PTK7: variants seen among roughly 807,000 people sequenced by gnomAD.
PTK7 encodes protein tyrosine kinase 7 (inactive), also known as inactive tyrosine-protein kinase 7.
In PTK7, 39 loss-of-function variants were observed where a neutral mutation model predicts 116.6. That is an observed-to-expected ratio of 0.33 (90% confidence interval 0.26 to 0.44). The LOEUF is 0.44. Among genes scored for constraint, PTK7 ranks in the 20% least tolerant of loss-of-function variants. The probability of loss-of-function intolerance (pLI) is 1.00; values close to 1 mark genes in which losing one functional copy is unlikely to be tolerated. For synonymous variants in PTK7, 546 were observed against 563.6 expected (o/e 0.97, Z 0.44); for missense variants, 1,169 against 1,425.6 (o/e 0.82, Z 2.90).
chr6:43,131,405 G>T (rs888443512), intron 5 of PTK7, among the ~76,000 whole-genome samples: 1 of 152,136 alleles, frequency 6.6e-6, no homozygotes, highest in African/African-American at 2.4e-5. Context: ...TAATGCTGCT[G>T]ATAAAGACAT....
At chr6:43,097,546 CAA>C (rs1767330519) in intron 1 of PTK7, among the ~76,000 whole-genome samples, 1 of 152,018 alleles carries the variant, frequency 6.6e-6, no homozygotes, top group Non-Finnish European at 1.5e-5. Flanking sequence ...GGTCTATGAC[CAA>C]AAAAGTTTCT....
chr6:43,094,544 A>G (rs1211000885), intron 1 of PTK7, among the ~76,000 whole-genome samples: 1 of 150,804 alleles, frequency 6.6e-6, no homozygotes, highest in Non-Finnish European at 1.5e-5. Context: ...GGCTCACTGC[A>G]AGCTCCGCCT....
chr6:43,106,926 A>AT (rs36100312), intron 1 of PTK7, among the ~76,000 whole-genome samples: 111 of 115,034 alleles, frequency 9.6e-4, no homozygotes, highest in East Asian at 1.0e-3. Context: ...TCTTCCCTGA[A>AT]TTTTTTTTTT....
intron 1 of PTK7, among the ~76,000 whole-genome samples, chr6:43,126,087 A>G (rs1009220698): frequency 3.3e-5 from 5 of 152,140 alleles, no homozygotes; most frequent in African/African-American, 1.2e-4. Context: ...TAGGAGGCCG[A>G]GGTGGGTGGA....
rs759247116 is a variant in PTK7 at position 43,144,622 on chromosome 6, T to C, written c.2407+16T>C. ...ACCACGCTGGGTATGTTGCCTTGACTACAGCTGCCCCTGCCTAACTACAAG... is the reference window on the plus strand; with the variant it reads ...ACCACGCTGGGTATGTTGCCTTGACCACAGCTGCCCCTGCCTAACTACAAG... On this transcript the variant is annotated intron_variant, in intron 15 of 19. Coordinates refer to ENST00000230419, the MANE Select transcript of PTK7 (RefSeq NM_002821.5). The C allele has an allele frequency of 6.9e-6, 11 of 1,597,340 alleles. No individual in the cohort carries two copies. The Admixed American group carries it at 1.5e-4, about 22-fold the overall frequency.
chr6:43,132,872 G>A, intron 7 of PTK7, 185 bp downstream of exon 7: 1 of 814,146 alleles, frequency 1.2e-6, no homozygotes, highest in South Asian at 1.5e-5. Context: ...GGTTAGGGTG[G>A]GTGCTCCAGA....
chr6:43,156,191 T>C (rs1771413944), intron 17 of PTK7, among the ~76,000 whole-genome samples: 1 of 127,282 alleles, frequency 7.9e-6, no homozygotes, highest in Admixed American at 1.0e-4. Context: ...GTCATGCCAC[T>C]GTACTCCAGC....
In PTK7 at chr6:43,143,581, C is replaced by G; in HGVS notation, c.2212C>G (p.Gln738Glu). The G allele has an allele frequency of 6.2e-7, 1 of 1,613,244 alleles. No individual in the cohort carries two copies. Among genetic ancestry groups the G allele is most frequent in the Non-Finnish European group, 8.5e-7 (1 of 1,180,018 alleles). Residue 738 changes from glutamine (Q) to glutamate (E), a missense_variant, in exon 14 of 20, where the codon CAG becomes GAG. Transcript: ENST00000230419. The surrounding 1 kb of genome is among the most constrained non-coding windows in gnomAD (Gnocchi z 4.2). ...CTGCAAAGCCAAGCGGCTGCAGAAG[C>G]AGCCCGAGGGCGAGGAGCCAGAGAT... is the stretch of plus-strand genomic sequence containing the variant. ...KRCKAKRLQKQPEGEEPEMEC... is the reference protein window; with the variant it reads ...KRCKAKRLQKEPEGEEPEMEC...
intron 1 of PTK7, among the ~76,000 whole-genome samples, chr6:43,127,524 C>T (rs1001089410): frequency 3.3e-5 from 5 of 152,214 alleles, no homozygotes; most frequent in Non-Finnish European, 7.3e-5. Flanking sequence ...CAGAGCTGAA[C>T]TATAATGGTG....
chr6:43,152,570 C>T (rs1229036026), intron 17 of PTK7, among the ~76,000 whole-genome samples: 3 of 152,198 alleles, frequency 2.0e-5, no homozygotes, highest in Non-Finnish European at 4.4e-5. Context: ...CATTTAGCAC[C>T]TCTGCATTAA....
At chr6:43,126,120 G>T (rs1769272410) in intron 1 of PTK7, among the ~76,000 whole-genome samples, 1 of 152,134 alleles carries the variant, frequency 6.6e-6, no homozygotes, top group Non-Finnish European at 1.5e-5. Context: ...AGGAGCTCGA[G>T]ACTAGCCTGG....
intron 1 of PTK7, among the ~76,000 whole-genome samples, chr6:43,116,708 T>A (rs1411055044): frequency 2.0e-5 from 3 of 151,664 alleles, no homozygotes; most frequent in Non-Finnish European, 4.4e-5. Flanking sequence ...GTTCTGAGGA[T>A]ACCCAGAGGA....
rs756703910 is a variant in PTK7 at position 43,130,477 on chromosome 6, C to T, written c.662-34C>T. 3 of 1,610,408 alleles carry T rather than the reference C, an allele frequency of 1.9e-6. No individual in the cohort carries two copies. The South Asian group carries it at 3.3e-5, about 18-fold the overall frequency. On this transcript the variant is annotated intron_variant, in intron 4 of 19. Transcript: ENST00000230419. ...GTGAGCACAGGAGGGCCTCACCACCCAGGCTGCATGCTCCCCCATCTTTCC... is the reference window on the plus strand; with the variant it reads ...GTGAGCACAGGAGGGCCTCACCACCTAGGCTGCATGCTCCCCCATCTTTCC...
intron 6 of PTK7, 70 bp downstream of exon 6, chr6:43,132,234 G>A: frequency 1.3e-6 from 2 of 1,538,510 alleles, no homozygotes; most frequent in Non-Finnish European, 1.8e-6. Context: ...AGAGATTTAG[G>A]CTTCTGTTTT....
At chr6:43,083,162 A>G (rs79671886) in intron 1 of PTK7, among the ~76,000 whole-genome samples, 3,460 of 152,360 alleles carry the variant, frequency 0.023, 56 homozygotes, top group Non-Finnish European at 0.034. Context: ...TCATTAAACA[A>G]GGTTGGGTGT....
intron 1 of PTK7, among the ~76,000 whole-genome samples, chr6:43,093,206 T>TTTTTTA (rs1767054488): frequency 6.7e-6 from 1 of 148,444 alleles, no homozygotes; most frequent in African/African-American, 2.5e-5. Flanking sequence ...TTTTTTTTTT[T>TTTTTTA]GAGACGGAGT....
At chr6:43,131,946 T>C in intron 5 of PTK7, 70 bp from the exon 6 acceptor site, 2 of 1,595,808 alleles carry the variant, frequency 1.3e-6, no homozygotes, top group South Asian at 2.2e-5. Context: ...AGGAAAGGGG[T>C]TCCCTTGCAT....
intron 1 of PTK7, among the ~76,000 whole-genome samples, chr6:43,096,344 T>C (rs1767249875): frequency 6.6e-6 from 1 of 152,136 alleles, no homozygotes; most frequent in Non-Finnish European, 1.5e-5. Context: ...TTCTTCACAC[T>C]GTCTCCGTTT....
Position 43,076,493 on chromosome 6 carries a change from G to A in PTK7, c.5G>A (p.Gly2Glu), listed in dbSNP as rs774344453. 9.6e-6 allele frequency: 15 copies of A among 1,569,222 alleles called. 1 individual carries two copies. The South Asian group carries it at 1.0e-4, about 11-fold the overall frequency. Residue 2 changes from glycine (G) to glutamate (E), a missense_variant, in exon 1 of 20, where the codon GGA becomes GAA. Physicochemically the swap from Gly to Glu is moderately conservative, Grantham distance 98 (BLOSUM62 -2). Transcript: ENST00000230419. The surrounding 1 kb of genome is among the most constrained non-coding windows in gnomAD (Gnocchi z 5.7). M[G>E]AARGSPARPR... is the part of the protein sequence containing the mutation. ...CCTTTTCCTGAGCCCGCCGCGATGG[G>A]AGCTGCGCGGGGATCCCCGGCCAGA...
Sources: allele counts gnomAD v4.1 joint callset (sites outside exome capture counted in the v4.1 genomes callset), GRCh38; gene constraint gnomAD v4.1.1; non-coding constraint Gnocchi (gnomAD v3.1); transcripts MANE v1.5; gene names NCBI Gene and HGNC (gene_info 2026-07-23, HGNC 2026-07-21).